SUPT3H: variants seen among roughly 807,000 people sequenced by gnomAD.
The protein encoded by SUPT3H is transcription initiation protein SPT3 homolog.
SUPT3H carries 44 observed loss-of-function variants against 44.3 expected under a neutral mutation model. The ratio of observed to expected loss-of-function variants is 0.99; its 90% CI spans 0.78 to 1.28. SUPT3H has a LOEUF of 1.28. SUPT3H is among the 50% of genes most tolerant of loss of function. SUPT3H has a pLI of 0.00. For synonymous variants in SUPT3H, 124 were observed against 125.6 expected, an observed-to-expected ratio of 0.99 and a Z score of 0.09; for missense variants, 380 against 387.1, an observed-to-expected ratio of 0.98 and a Z score of 0.15.
rs541208432 is a variant in SUPT3H, at chr6:45,003,555, A to T, written c.504+98T>A. On this transcript the variant is annotated intron_variant, in intron 6 of 10. Transcript: ENST00000371459. ...CAGACATAAAACCACTGACTTAGAG[A>T]TTTCAGACAACATTTAAAGAACATG... 9 of 1,403,316 alleles carry T rather than the reference A, an allele frequency of 6.4e-6. No individual in the cohort carries two copies. The African/African-American group carries it at 1.3e-4, about 20-fold the overall frequency. 86.9% of individuals were successfully genotyped at this position (1,403,316 alleles called of 1,614,324 possible). A position where few individuals can be genotyped will look rare whatever the true frequency, so the allele number is the denominator to read the frequency against.
intron 10 of SUPT3H, among the ~76,000 whole-genome samples, chr6:44,907,437 G>A (rs1039098395): frequency 3.3e-5 from 5 of 152,186 alleles, no homozygotes; most frequent in Non-Finnish European, 7.4e-5. Flanking sequence ...GACACTTTGG[G>A]AGGCTGAGAC....
chr6:45,046,133 T>C (rs899076364), intron 3 of SUPT3H, among the ~76,000 whole-genome samples: 1 of 152,194 alleles, frequency 6.6e-6, no homozygotes, highest in Admixed American at 6.5e-5. Flanking sequence ...AGGATTGAGA[T>C]TGTTTTTCCA....
At chr6:45,272,945 T>C (rs1053734634) in intron 2 of SUPT3H, among the ~76,000 whole-genome samples, 3 of 152,224 alleles carry the variant, frequency 2.0e-5, no homozygotes, top group African/African-American at 7.2e-5. Flanking sequence ...CCATGGTTTT[T>C]ATTGTTCTTT....
chr6:45,193,575 G>A (rs1630758), intron 2 of SUPT3H, among the ~76,000 whole-genome samples: 4,480 of 152,112 alleles, frequency 0.029, 93 homozygotes, highest in Non-Finnish European at 0.047. Context: ...AATTAGCTGG[G>A]CATGGTGACG....
intron 2 of SUPT3H, among the ~76,000 whole-genome samples, chr6:45,277,531 A>T (rs775427610): frequency 2.0e-4 from 31 of 152,230 alleles, no homozygotes; most frequent in Non-Finnish European, 4.0e-4. Context: ...AGGGCCACAG[A>T]CCCTCCAAAA....
At chr6:45,264,809 A>G (rs1774983034) in intron 2 of SUPT3H, among the ~76,000 whole-genome samples, 1 of 152,120 alleles carries the variant, frequency 6.6e-6, no homozygotes. Context: ...GGGAGGAAGG[A>G]AGGAGAGGAA....
chr6:45,141,338 C>CAA (rs1162738855), intron 2 of SUPT3H, among the ~76,000 whole-genome samples: 6,099 of 45,156 alleles, frequency 0.14, 2,015 homozygotes, highest in African/African-American at 0.32. Flanking sequence ...GACTCCATCT[C>CAA]AAAAAAAAAA....
chr6:44,934,553 C>G (rs1187544116), intron 9 of SUPT3H, among the ~76,000 whole-genome samples: 1 of 152,134 alleles, frequency 6.6e-6, no homozygotes, highest in Non-Finnish European at 1.5e-5. Flanking sequence ...CGTTGAAATC[C>G]AAGCCCACAA....
chr6:45,151,808 C>G (rs1317021486), intron 2 of SUPT3H, among the ~76,000 whole-genome samples: 2 of 152,128 alleles, frequency 1.3e-5, no homozygotes, highest in Non-Finnish European at 2.9e-5. Context: ...GTGATAAAGG[C>G]CCTTAGCATT....
intron 2 of SUPT3H, among the ~76,000 whole-genome samples, chr6:45,353,438 C>T (rs936877562): frequency 1.3e-5 from 2 of 151,556 alleles, no homozygotes; most frequent in South Asian, 2.1e-4. Flanking sequence ...GCAGTACTGG[C>T]AAAGGAATAG....
intron 1 of SUPT3H, among the ~76,000 whole-genome samples, chr6:45,375,583 C>G (rs1796665446): frequency 6.7e-6 from 1 of 149,326 alleles, no homozygotes. Flanking sequence ...TCTCCCTCTG[C>G]AGCCCAGGCT....
intron 2 of SUPT3H, among the ~76,000 whole-genome samples, chr6:45,182,660 C>G (rs548303120): frequency 6.6e-6 from 1 of 151,564 alleles, no homozygotes; most frequent in Non-Finnish European, 1.5e-5. Flanking sequence ...ATTTGACCTA[C>G]GAAAGCTTAA....
chr6:45,122,156 T>TG (rs1801772166), intron 2 of SUPT3H, among the ~76,000 whole-genome samples: 1 of 152,216 alleles, frequency 6.6e-6, no homozygotes, highest in Non-Finnish European at 1.5e-5. Flanking sequence ...AGGTGTCACC[T>TG]TTATTACGCT....
chr6:44,836,357 A>G (rs1304353577), intron 10 of SUPT3H, among the ~76,000 whole-genome samples: 2 of 152,146 alleles, frequency 1.3e-5, no homozygotes, highest in South Asian at 2.1e-4. Context: ...TACTTGCCCT[A>G]TGTTATAAAT....
chr6:45,337,540 C>A (rs958994074), intron 2 of SUPT3H, among the ~76,000 whole-genome samples: 2 of 151,784 alleles, frequency 1.3e-5, no homozygotes, highest in Non-Finnish European at 3.0e-5. Flanking sequence ...TCTTTTGCTA[C>A]GCCATAATGA....
chr6:44,996,743 A>C (rs1270473352), intron 6 of SUPT3H, among the ~76,000 whole-genome samples: 1 of 151,904 alleles, frequency 6.6e-6, no homozygotes, highest in Non-Finnish European at 1.5e-5. Flanking sequence ...AAAAGCCTAG[A>C]AAGTCCTTCC....
chr6:44,870,589 ACT>A (rs1474812091), intron 10 of SUPT3H, among the ~76,000 whole-genome samples: 1 of 142,314 alleles, frequency 7.0e-6, no homozygotes, highest in African/African-American at 2.6e-5. Flanking sequence ...ACAGAGTGAG[ACT>A]CTGTCTCAAA....
intron 3 of SUPT3H, chr6:45,098,765 C>A (rs1210856444): frequency 8.2e-6 from 4 of 487,136 alleles, no homozygotes; most frequent in Non-Finnish European, 8.1e-6. Context: ...ATCATCACTA[C>A]CAGTTTGGAG....
intron 2 of SUPT3H, among the ~76,000 whole-genome samples, chr6:45,174,475 G>C (rs1216301194): frequency 6.6e-6 from 1 of 152,144 alleles, no homozygotes; most frequent in Non-Finnish European, 1.5e-5. Context: ...CCAAATCTAA[G>C]ATACAGACCA....
Sources: gnomAD v4.1 joint callset for allele counts (sites outside exome capture counted in the v4.1 genomes callset) on GRCh38, gnomAD v4.1.1 for gene constraint, MANE v1.5 for transcripts, NCBI Gene and HGNC (gene_info 2026-07-23, HGNC 2026-07-21) for gene names.